ZMAT4: variants seen among roughly 807,000 people sequenced by gnomAD.
ZMAT4 encodes zinc finger matrin-type protein 4.
ZMAT4 carries 17 observed loss-of-function variants against 28.7 expected under a neutral mutation model. That is an observed-to-expected ratio of 0.59 (90% CI 0.41 to 0.89). The LOEUF (loss-of-function observed/expected upper bound fraction) is 0.89. ZMAT4 is among the 40% of genes least tolerant of loss of function. ZMAT4 has a pLI of 0.00. For synonymous variants in ZMAT4, 117 were observed against 109.2 expected, an observed-to-expected ratio of 1.07 and a Z score of -0.44; for missense variants, 240 against 283.8, an observed-to-expected ratio of 0.85 and a Z score of 1.11.
intron 6 of ZMAT4, among the ~76,000 whole-genome samples, chr8:40,579,289 A>C (rs1173974789): frequency 6.6e-6 from 1 of 152,210 alleles, no homozygotes; most frequent in South Asian, 2.1e-4. Flanking sequence ...TGCTCCCAAA[A>C]AGTTATCTTT....
rs534713101 is a variant in ZMAT4 at position 40,574,196 on chromosome 8, AG to A, written c.674+6968del. Among the ~76,000 whole-genome samples the A allele has an allele frequency of 8.5e-5, 13 of 152,306 alleles. No homozygotes were observed. In the East Asian group the frequency reaches 1.7e-3, roughly 20 times the overall value. ...GGAAAAAATATTTGAAATCCTTAAA[AG>A]CTTTGAAGAGTTAGTGTAGTTGATG... On this transcript the variant is annotated intron_variant, in intron 6 of 6. Coordinates refer to ENST00000297737, the MANE Select transcript of ZMAT4 (RefSeq NM_024645.3).
intron 2 of ZMAT4, among the ~76,000 whole-genome samples, chr8:40,794,110 T>C (rs540588057): frequency 1.0e-3 from 156 of 152,304 alleles, no homozygotes; most frequent in African/African-American, 3.7e-3. Flanking sequence ...TTTGGAAATT[T>C]TTGAACTCAA....
chr8:40,798,736 T>C (rs1814697332), intron 2 of ZMAT4, among the ~76,000 whole-genome samples: 1 of 152,232 alleles, frequency 6.6e-6, no homozygotes, highest in Admixed American at 6.5e-5. Context: ...TTTATTGCTA[T>C]TGCTACTATT....
intron 1 of ZMAT4, among the ~76,000 whole-genome samples, chr8:40,857,620 T>C (rs953793038): frequency 1.8e-4 from 28 of 152,210 alleles, no homozygotes; most frequent in Admixed American, 1.6e-3. Context: ...TTAGAAACTT[T>C]TTGCTAATAT....
intron 2 of ZMAT4, among the ~76,000 whole-genome samples, chr8:40,791,634 G>C (rs909958424): frequency 2.6e-5 from 4 of 152,072 alleles, no homozygotes; most frequent in Non-Finnish European, 5.9e-5. Context: ...TTGAGGGCAG[G>C]GAATAGTCCG....
At chr8:40,642,362 T>A (rs1807072830) in intron 5 of ZMAT4, among the ~76,000 whole-genome samples, 1 of 151,980 alleles carries the variant, frequency 6.6e-6, no homozygotes, top group South Asian at 2.1e-4. Flanking sequence ...GGGCAAAGAG[T>A]AGGAAAAATA....
chr8:40,893,524 A>C (rs1430807432), intron 1 of ZMAT4, among the ~76,000 whole-genome samples: 1 of 152,212 alleles, frequency 6.6e-6, no homozygotes, highest in Admixed American at 6.5e-5. Context: ...TGTTTTCAGC[A>C]TGGGTCAGAG....
intron 3 of ZMAT4, among the ~76,000 whole-genome samples, chr8:40,731,689 A>C (rs937252159): frequency 6.6e-6 from 1 of 152,210 alleles, no homozygotes; most frequent in African/African-American, 2.4e-5. Context: ...AAAGCTGATC[A>C]AAGACTACAG....
At chr8:40,894,100 G>A (rs1818788185) in intron 1 of ZMAT4, among the ~76,000 whole-genome samples, 1 of 152,236 alleles carries the variant, frequency 6.6e-6, no homozygotes, top group African/African-American at 2.4e-5. Flanking sequence ...ATGTTTCCAA[G>A]GTCAGCTCTG....
At chr8:40,535,690 A>T (rs1055537779) in intron 6 of ZMAT4, among the ~76,000 whole-genome samples, 6 of 151,926 alleles carry the variant, frequency 3.9e-5, no homozygotes, top group African/African-American at 1.5e-4. Flanking sequence ...AAATGACCAG[A>T]TATGTACACA....
chr8:40,567,938 G>A (rs533010134), intron 6 of ZMAT4, among the ~76,000 whole-genome samples: 41 of 152,138 alleles, frequency 2.7e-4, no homozygotes, highest in African/African-American at 9.6e-4. Context: ...ATCAGTGGTA[G>A]CATAAAGATT....
At chr8:40,606,836 C>A (rs1805607999) in intron 5 of ZMAT4, among the ~76,000 whole-genome samples, 1 of 152,114 alleles carries the variant, frequency 6.6e-6, no homozygotes, top group South Asian at 2.1e-4. Context: ...TAGGGAACAC[C>A]AATAATTCTT....
rs563706102 is a variant in ZMAT4, at chr8:40,611,959, AC to A, written c.578-30699del. Among the ~76,000 whole-genome samples, 436 of 152,138 alleles carry A rather than the reference AC, an allele frequency of 2.9e-3. 4 individuals are homozygous for A. The highest frequency in any genetic ancestry group is 9.9e-3 in the African/African-American group (411 of 41,500). ...TTCCATCAAGAATTTTTGTGATCAG[AC>A]CCCCACTGTCATTGTTGAAAGGCTG... On this transcript the variant is annotated intron_variant, in intron 5 of 6. Coordinates refer to ENST00000297737, the MANE Select transcript of ZMAT4 (RefSeq NM_024645.3).
At chr8:40,809,012 G>A (rs1431275123) in intron 2 of ZMAT4, among the ~76,000 whole-genome samples, 1 of 152,080 alleles carries the variant, frequency 6.6e-6, no homozygotes, top group Non-Finnish European at 1.5e-5. Flanking sequence ...ACATACACTA[G>A]TATGTTCACT....
At chr8:40,731,225 C>T (rs1811528125) in intron 3 of ZMAT4, among the ~76,000 whole-genome samples, 1 of 147,536 alleles carries the variant, frequency 6.8e-6, no homozygotes, top group South Asian at 2.1e-4. Context: ...TTCCCTTCCC[C>T]TGTATTTTTC....
chr8:40,852,417 C>T (rs1029527892), intron 1 of ZMAT4, among the ~76,000 whole-genome samples: 3 of 152,122 alleles, frequency 2.0e-5, no homozygotes. Flanking sequence ...GTATGTCTGC[C>T]TTATTAAACG....
intron 3 of ZMAT4, among the ~76,000 whole-genome samples, chr8:40,723,542 CAAAAAAAAAA>C (rs58513087): frequency 1.5e-5 from 1 of 66,852 alleles, no homozygotes; most frequent in Non-Finnish European, 2.6e-5. Context: ...GATTCCATCT[CAAAAAAAAAA>C]AAAAAAAAAA....
At chr8:40,754,855 A>G (rs1389716225) in intron 3 of ZMAT4, among the ~76,000 whole-genome samples, 1 of 152,168 alleles carries the variant, frequency 6.6e-6, no homozygotes, top group Non-Finnish European at 1.5e-5. Context: ...TCAACTAAAA[A>G]ATTTTTAAAA....
intron 1 of ZMAT4, among the ~76,000 whole-genome samples, chr8:40,889,725 G>T (rs902817072): frequency 2.0e-5 from 3 of 151,972 alleles, no homozygotes; most frequent in African/African-American, 7.3e-5. Flanking sequence ...TAGTTTTCTT[G>T]ATTTCCATTT....
Sources: allele counts gnomAD v4.1 joint callset (sites outside exome capture counted in the v4.1 genomes callset), GRCh38; gene constraint gnomAD v4.1.1; transcripts MANE v1.5; gene names NCBI Gene and HGNC (gene_info 2026-07-23, HGNC 2026-07-21).